Variants in EIF3B observed in about 807,000 individuals in gnomAD.
The protein encoded by EIF3B is eukaryotic translation initiation factor 3 subunit 9.
In EIF3B, 10 loss-of-function variants were observed where a neutral mutation model predicts 104.6. The ratio of observed to expected loss-of-function variants is 0.10; its 90% confidence interval spans 0.06 to 0.16. The LOEUF (loss-of-function observed/expected upper bound fraction) is 0.16, where lower values mean the gene tolerates loss of function less well. Among genes scored for constraint, EIF3B ranks in the 10% least tolerant of loss-of-function variants. EIF3B has a pLI of 1.00. For missense variants in EIF3B, 1,014 were observed against 1,087.9 expected, an observed-to-expected ratio of 0.93 and a Z score of 0.96; for synonymous variants, 542 against 417.2, an observed-to-expected ratio of 1.30 and a Z score of -3.65.
At chr7:2,372,419 G>A (rs577196271) in intron 11 of EIF3B, among the ~76,000 whole-genome samples, 2 of 152,296 alleles carry the variant, frequency 1.3e-5, no homozygotes, top group Admixed American at 6.5e-5. Context: ...GGGCTCCTGC[G>A]GTCCTGCTGT....
chr7:2,366,469 A>G, intron 7 of EIF3B, 21 bp downstream of exon 7: 6 of 1,613,950 alleles, frequency 3.7e-6, no homozygotes, highest in Non-Finnish European at 5.1e-6. Context: ...CATTGTAACG[A>G]GCTCTGTAGC....
rs754098739 is a variant in EIF3B, at chr7:2,363,779, T to TG, written c.999+24dup. ...AAGAGCGGTGTGTATTTGCTGCTGCTGGGGGCGGGGACTCACCTCTCCTGT... is the reference window on the plus strand; with the variant it reads ...AAGAGCGGTGTGTATTTGCTGCTGCTGGGGGGCGGGGACTCACCTCTCCTGT... On this transcript the variant is annotated intron_variant, in intron 5 of 18. Transcript: ENST00000360876. The TG allele has an allele frequency of 6.2e-7, 1 of 1,610,894 alleles. No individual in the cohort carries two copies. The highest frequency in any genetic ancestry group is 1.3e-5 in the African/African-American group (1 of 74,840).
intron 6 of EIF3B, among the ~76,000 whole-genome samples, chr7:2,364,805 T>G (rs1395203637): frequency 1.3e-5 from 2 of 152,244 alleles, no homozygotes; most frequent in East Asian, 3.8e-4. Flanking sequence ...ATTTTGTTAG[T>G]GTGACCATAG....
Position 2,366,329 on chromosome 7 carries a change from C to G in EIF3B, c.1170C>G (p.Thr390=). The part of the protein sequence containing the change: ...DFSPCERYLV[T]FSPLMDTQDD... Reference sequence around the variant, plus strand: ...CCTTCTCTTCTAGGTACCTGGTGACCTTTAGCCCCCTGATGGACACGCAGG... The same window carrying G: ...CCTTCTCTTCTAGGTACCTGGTGACGTTTAGCCCCCTGATGGACACGCAGG... The change falls in exon 7 of 19, where the codon ACC becomes ACG. Residue 390 remains threonine (T), a synonymous_variant. Transcript: ENST00000360876. 1 of 1,609,494 alleles carries G rather than the reference C, an allele frequency of 6.2e-7. No homozygotes were observed. Among genetic ancestry groups the G allele is most frequent in the South Asian group, 1.1e-5 (1 of 90,332 alleles).
chr7:2,360,979 C>A, intron 2 of EIF3B, 77 bp downstream of exon 2: 1 of 1,242,574 alleles, frequency 8.0e-7, no homozygotes, highest in Non-Finnish European at 1.1e-6. Context: ...GAGATCCTTA[C>A]TAACACAGCT....
intron 14 of EIF3B, chr7:2,376,743 G>A: frequency 3.2e-6 from 2 of 618,120 alleles, no homozygotes; most frequent in Non-Finnish European, 5.4e-6. Context: ...TGCTCCAGCT[G>A]CTCCGTGCCC....
intron 5 of EIF3B, 38 bp downstream of exon 5, chr7:2,363,798 C>T (rs760121128): frequency 6.3e-6 from 10 of 1,594,934 alleles, no homozygotes; most frequent in Non-Finnish European, 8.5e-6. Context: ...GGACTCACCT[C>T]TCCTGTATTT....
intron 15 of EIF3B, 45 bp from the exon 16 acceptor site, chr7:2,378,644 G>T (rs113167375): frequency 1.9e-6 from 3 of 1,557,130 alleles, no homozygotes; most frequent in East Asian, 2.2e-5. Flanking sequence ...ATTTGTGCTT[G>T]TTGCTTTGAA....
chr7:2,379,403 C>G lies in EIF3B; in HGVS notation c.2351C>G (p.Thr784Ser), dbSNP rs1780872909. The change falls in exon 18 of 19, where the codon ACT becomes AGT. Residue 784 changes from threonine to serine, a missense_variant. Physicochemically the swap from Thr to Ser is moderately conservative, Grantham distance 58. This residue lies in a region of EIF3B where 266 missense variants were observed against 324.0 expected (regional missense o/e 0.82). Coordinates refer to ENST00000360876, the MANE Select transcript of EIF3B (RefSeq NM_001037283.2). ...ERLELRGGVDTDELDSNVDDW... is the reference protein window; with the variant it reads ...ERLELRGGVDSDELDSNVDDW... ...CCCTTTGTCCCCTCAGGGGTGGACA[C>G]TGACGAGCTGGACAGCAACGTGGAC... is the stretch of plus-strand genomic sequence containing the variant. The G allele has an allele frequency of 6.3e-7, 1 of 1,589,414 alleles. No homozygotes were observed. Among genetic ancestry groups the G allele is most frequent in the Non-Finnish European group, 8.6e-7 (1 of 1,167,538 alleles).
At chr7:2,365,715 G>A (rs1216196198) in intron 6 of EIF3B, among the ~76,000 whole-genome samples, 5 of 142,740 alleles carry the variant, frequency 3.5e-5, no homozygotes, top group South Asian at 2.2e-4. Context: ...TTCATGCGTC[G>A]CCCAGACTGG....
chr7:2,355,116 G>A lies in EIF3B; in HGVS notation c.195G>A (p.Glu65=), dbSNP rs1415487965. The part of the protein sequence containing the change: ...VGIAEAGPES[E]VRTEPAAEAE... ...TCGCGGAGGCCGGGCCGGAGTCCGA[G>A]GTGAGGACCGAGCCGGCGGCCGAGG... The change falls in exon 1 of 19, where the codon GAG becomes GAA. Residue 65 remains glutamate, a synonymous_variant. Coordinates refer to ENST00000360876, the MANE Select transcript of EIF3B (RefSeq NM_001037283.2). The A allele has an allele frequency of 7.2e-7, 1 of 1,393,730 alleles. No homozygotes were observed. Among genetic ancestry groups the A allele is most frequent in the South Asian group, 1.5e-5 (1 of 64,824 alleles). The allele number at this position is 1,393,730 out of a possible 1,614,324, so 86.3% of individuals were successfully genotyped here.
Position 2,355,286 on chromosome 7 carries a change from A to G in EIF3B, c.365A>G (p.Gln122Arg). Reference sequence around the variant, plus strand: ...GACGAGCGCTCCGACAGCCGGGCCCAGGCGGTGTCCGAGGACGCGGGAGGA... The same window carrying G: ...GACGAGCGCTCCGACAGCCGGGCCCGGGCGGTGTCCGAGGACGCGGGAGGA... ...ARDERSDSRAQAVSEDAGGNE... is the reference protein window; with the variant it reads ...ARDERSDSRARAVSEDAGGNE... The change falls in exon 1 of 19, where the codon CAG becomes CGG. Residue 122 changes from glutamine to arginine, a missense_variant. Gln to Arg is a conservative substitution (Grantham distance 43). Transcript: ENST00000360876. The G allele has an allele frequency of 6.5e-7, 1 of 1,536,550 alleles. No individual in the cohort carries two copies. Among genetic ancestry groups the G allele is most frequent in the Non-Finnish European group, 8.7e-7 (1 of 1,148,416 alleles).
At chr7:2,379,787 G>T in intron 18 of EIF3B, 1 of 441,324 alleles carries the variant, frequency 2.3e-6, no homozygotes, top group Non-Finnish European at 4.2e-6. Flanking sequence ...AGGAAGAGGA[G>T]GGTGGCCATG....
intron 14 of EIF3B, 55 bp downstream of exon 14, chr7:2,375,582 TA>T: frequency 6.2e-7 from 1 of 1,610,750 alleles, no homozygotes; most frequent in Admixed American, 1.7e-5. Context: ...GAGTGCTGGC[TA>T]GCTGCTGACT....
chr7:2,369,110 G>A (rs1449112086), intron 9 of EIF3B, among the ~76,000 whole-genome samples: 1 of 152,204 alleles, frequency 6.6e-6, no homozygotes, highest in Admixed American at 6.5e-5. Flanking sequence ...TAGATGACAT[G>A]TAGCCAGATC....
intron 2 of EIF3B, among the ~76,000 whole-genome samples, chr7:2,361,644 C>G (rs192492081): frequency 6.6e-6 from 1 of 152,156 alleles, no homozygotes; most frequent in Admixed American, 6.6e-5. Context: ...TGGTCTCGAT[C>G]TCCTGACCTT....
chr7:2,354,823 G>T (rs1779292296), upstream of EIF3B: 24 of 1,016,984 alleles, frequency 2.4e-5, no homozygotes, highest in Non-Finnish European at 2.5e-5. Context: ...CCCGTCGCAC[G>T]CACATGGCTG....
intron 6 of EIF3B, among the ~76,000 whole-genome samples, chr7:2,365,221 A>G (rs1779941073): frequency 6.6e-6 from 1 of 152,204 alleles, no homozygotes; most frequent in Non-Finnish European, 1.5e-5. Context: ...GAGTGCTGGG[A>G]TTACAGGCGT....
Position 2,364,521 on chromosome 7 carries a change from T to C in EIF3B, c.1149T>C (p.Pro383=). The change falls in exon 6 of 19, where the codon CCT becomes CCC. Residue 383 remains proline, a synonymous_variant. Coordinates refer to ENST00000360876, the MANE Select transcript of EIF3B (RefSeq NM_001037283.2). ...GGGTTCAGCTTATTGACTTCTCACC[T>C]TGTGAAAGGTAAGCTGCTAGAAAAA... ...HQGVQLIDFS[P]CERYLVTFSP... 6.2e-7 allele frequency: 1 copy of C among 1,612,026 alleles called. No homozygotes were observed. Among genetic ancestry groups the C allele is most frequent in the Non-Finnish European group, 8.5e-7 (1 of 1,179,336 alleles).
Sources: allele counts gnomAD v4.1 joint callset (sites outside exome capture counted in the v4.1 genomes callset), GRCh38; gene constraint gnomAD v4.1.1; regional missense constraint gnomAD v4.1.1; transcripts MANE v1.5; gene names NCBI Gene and HGNC (gene_info 2026-07-23, HGNC 2026-07-21).